ZNF280B: variants seen among roughly 807,000 people sequenced by gnomAD.
The protein encoded by ZNF280B is suppressor of hairy wing homolog 2.
ZNF280B carries 16 observed loss-of-function variants against 38.0 expected under a neutral mutation model. That is an observed-to-expected ratio of 0.42 (90% CI 0.28 to 0.64). ZNF280B has a LOEUF of 0.64. ZNF280B is among the 30% of genes least tolerant of loss of function. The probability of loss-of-function intolerance (pLI) is 0.21; values close to 1 mark genes in which losing one functional copy is unlikely to be tolerated. For missense variants in ZNF280B, 581 were observed against 639.6 expected, an observed-to-expected ratio of 0.91 and a Z score of 0.99; for synonymous variants, 253 against 230.6, an observed-to-expected ratio of 1.10 and a Z score of -0.88.
At chr22:22,506,619 T>G (rs971801328) in intron 2 of ZNF280B, among the ~76,000 whole-genome samples, 3 of 151,742 alleles carry the variant, frequency 2.0e-5, no homozygotes, top group Non-Finnish European at 2.9e-5. Context: ...AGATGTGGCA[T>G]CAAAAACGAG....
chr22:22,505,152 C>A (rs1401258994), intron 2 of ZNF280B, among the ~76,000 whole-genome samples: 1 of 151,852 alleles, frequency 6.6e-6, no homozygotes, highest in Non-Finnish European at 1.5e-5. Context: ...TTAACACATG[C>A]AAGGACTGAT....
At chr22:22,495,970 G>A (rs1016604818) in intron 2 of ZNF280B, among the ~76,000 whole-genome samples, 3 of 149,338 alleles carry the variant, frequency 2.0e-5, no homozygotes, top group Non-Finnish European at 4.5e-5. Context: ...CATGCCTGGC[G>A]AATTTTTGTA....
intron 3 of ZNF280B, among the ~76,000 whole-genome samples, chr22:22,489,875 T>C (rs1389824196): frequency 6.6e-6 from 1 of 151,980 alleles, no homozygotes; most frequent in Non-Finnish European, 1.5e-5. Flanking sequence ...TTTTGCTATC[T>C]TAAAGGCAAA....
At chr22:22,497,529 A>C (rs1306082840) in intron 2 of ZNF280B, among the ~76,000 whole-genome samples, 1 of 151,866 alleles carries the variant, frequency 6.6e-6, no homozygotes, top group East Asian at 2.0e-4. Context: ...GTTCAGAGTC[A>C]AGTTTCTTCA....
intron 2 of ZNF280B, among the ~76,000 whole-genome samples, chr22:22,501,562 T>TA (rs1430355385): frequency 1.3e-5 from 2 of 151,118 alleles, no homozygotes; most frequent in African/African-American, 4.9e-5. Flanking sequence ...GAGACTCTGT[T>TA]AAAAAAATAA....
intron 2 of ZNF280B, among the ~76,000 whole-genome samples, chr22:22,495,214 G>A (rs955492198): frequency 6.6e-6 from 1 of 151,884 alleles, no homozygotes; most frequent in African/African-American, 2.4e-5. Flanking sequence ...CAGACTTGAA[G>A]AAAATTGGCT....
intron 3 of ZNF280B, 28 bp from the exon 4 acceptor site, chr22:22,489,494 C>G: frequency 9.6e-7 from 1 of 1,039,340 alleles, no homozygotes; most frequent in Non-Finnish European, 1.4e-6. Context: ...TCAGTAAGTA[C>G]AGGAAAATGC....
At chr22:22,497,628 CAA>C (rs1483362078) in intron 2 of ZNF280B, among the ~76,000 whole-genome samples, 1 of 151,824 alleles carries the variant, frequency 6.6e-6, no homozygotes, top group African/African-American at 2.4e-5. Flanking sequence ...AAAGGCATAA[CAA>C]AGTCAACTTA....
At chr22:22,498,298 T>C (rs909787908) in intron 2 of ZNF280B, among the ~76,000 whole-genome samples, 14 of 151,940 alleles carry the variant, frequency 9.2e-5, no homozygotes, top group African/African-American at 3.1e-4. Flanking sequence ...ACGTACAATA[T>C]TACAAATGCA....
chr22:22,503,265 T>C (rs2061861921), intron 2 of ZNF280B, among the ~76,000 whole-genome samples: 1 of 151,966 alleles, frequency 6.6e-6, no homozygotes, highest in East Asian at 1.9e-4. Context: ...GATACAAGGT[T>C]TCTTTAGAGT....
In ZNF280B at chr22:22,487,882, G is replaced by A. The variant is rs1381036006; in HGVS notation, c.1517C>T (p.Ser506Leu). 1.1e-5 allele frequency: 18 copies of A among 1,613,690 alleles called. No individual in the cohort carries two copies. Among genetic ancestry groups the A allele is most frequent in the Non-Finnish European group, 1.4e-5 (16 of 1,179,948 alleles). The change falls in exon 4 of 4, where the codon TCG (serine) becomes TTG (leucine). Residue 506 changes from serine to leucine, a missense_variant. Transcript: ENST00000626650. The part of the protein sequence containing the change: ...PPETKVTIQV[S>L]LEPLQPGSVD... ...TGATCCTGGCTGAAGAGGTTCCAGC[G>A]ACACTTGAATAGTAACTTTTGTTTC...
Position 22,487,473 on chromosome 22 carries a change from A to T in ZNF280B, c.*294T>A, listed in dbSNP as rs2061516715. The T allele has an allele frequency of 6.0e-6, 1 of 166,734 alleles. No individual in the cohort carries two copies. Among genetic ancestry groups the T allele is most frequent in the South Asian group, 2.1e-4 (1 of 4,848 alleles). 10.3% of individuals were successfully genotyped at this position (166,734 alleles called of 1,614,324 possible). A position where few individuals can be genotyped will look rare whatever the true frequency, so the allele number is the denominator to read the frequency against. On this transcript the variant is annotated 3_prime_UTR_variant, in exon 4 of 4. Transcript: ENST00000626650. The stretch of plus-strand genomic sequence containing the variant: ...AAAAAAAAAAAAAAAAAAAAAAAAA[A>T]AAATTAAAATTAAAAAAATAAATTA...
intron 2 of ZNF280B, among the ~76,000 whole-genome samples, chr22:22,503,566 T>C (rs1361055995): frequency 1.3e-5 from 2 of 151,934 alleles, no homozygotes; most frequent in African/African-American, 4.8e-5. Flanking sequence ...AGGTGGTCAA[T>C]TTACAAACTG....
Position 22,487,895 on chromosome 22 carries a change from T to G in ZNF280B, c.1504A>C (p.Thr502Pro). The G allele has an allele frequency of 6.2e-7, 1 of 1,613,900 alleles. No individual in the cohort carries two copies. Among genetic ancestry groups the G allele is most frequent in the Non-Finnish European group, 8.5e-7 (1 of 1,179,938 alleles). Residue 502 changes from threonine (T) to proline (P), a missense_variant, in exon 4 of 4, where the codon ACT (threonine) becomes CCT (proline). By Grantham distance (38) the Thr-to-Pro change is conservative. Transcript: ENST00000626650. ...AGAGGTTCCAGCGACACTTGAATAG[T>G]AACTTTTGTTTCAGGAGGTAATCCT... Reference protein sequence around the residue: ...LEGLPPETKVTIQVSLEPLQP... With the variant: ...LEGLPPETKVPIQVSLEPLQP...
rs71199481 is a variant in ZNF280B at position 22,487,447 on chromosome 22, T to TAA, written c.*318_*319dup. On this transcript the variant is annotated 3_prime_UTR_variant, in exon 4 of 4. Transcript: ENST00000626650. ...TAACAGTGAGACCCTGTCTCTAAAG[T>TAA]AAAAAAAAAAAAAAAAAAAAAAAAA... is the stretch of plus-strand genomic sequence containing the variant. 1.7e-3 allele frequency: 111 copies of TAA among 66,794 alleles called. 1 individual carries two copies. The highest frequency in any genetic ancestry group is 2.6e-3 in the Admixed American group (14 of 5,298). 4.1% of individuals were successfully genotyped at this position (66,794 alleles called of 1,614,324 possible). A position where few individuals can be genotyped will look rare whatever the true frequency, so the allele number is the denominator to read the frequency against.
At chr22:22,490,337 G>C (rs1409137931) in intron 3 of ZNF280B, among the ~76,000 whole-genome samples, 1 of 151,866 alleles carries the variant, frequency 6.6e-6, no homozygotes, top group South Asian at 2.1e-4. Context: ...GATTAACTGA[G>C]AGTAAAAGAC....
At chr22:22,496,356 CA>C (rs2061694715) in intron 2 of ZNF280B, among the ~76,000 whole-genome samples, 1 of 151,768 alleles carries the variant, frequency 6.6e-6, no homozygotes. Context: ...CCTTGGCCTC[CA>C]AAAGTGCTGG....
Position 22,489,154 on chromosome 22 carries a change from G to T in ZNF280B, c.245C>A (p.Thr82Asn), listed in dbSNP as rs1249532563. 1 of 1,613,708 alleles carries T rather than the reference G, an allele frequency of 6.2e-7. No homozygotes were observed. Among genetic ancestry groups the T allele is most frequent in the Non-Finnish European group, 8.5e-7 (1 of 1,179,956 alleles). ...ACTTTTAGGCTGCAATTTGCGAGCA[G>T]TATCTTTTCTAAGGTGATCATACTT... ...RKKYDHLRKD[T>N]ARKLQPKSHE... is the part of the protein sequence containing the mutation. Residue 82 changes from threonine to asparagine, a missense_variant, in exon 4 of 4, where the codon ACT (threonine) becomes AAT (asparagine). Physicochemically the swap from Thr to Asn is moderately conservative, Grantham distance 65. Transcript: ENST00000626650.
rs1234166588 is a variant in ZNF280B at position 22,489,094 on chromosome 22, A to G, written c.305T>C (p.Leu102Pro). 9.3e-6 allele frequency: 15 copies of G among 1,613,932 alleles called. No homozygotes were observed. Among genetic ancestry groups the G allele is most frequent in the Non-Finnish European group, 1.3e-5 (15 of 1,179,970 alleles). The change falls in exon 4 of 4, where the codon CTG (leucine) becomes CCG (proline). Residue 102 changes from leucine to proline, a missense_variant. Leu to Pro is a moderately conservative substitution (Grantham distance 98). Coordinates refer to ENST00000626650, the MANE Select transcript of ZNF280B (RefSeq NM_080764.4). ...ETVTSEAVTV[L>P]PASQLESRST... The stretch of plus-strand genomic sequence containing the variant: ...TCTCGATTCAAGTTGGGAAGCTGGC[A>G]GGACGGTCACTGCTTCTGATGTAAC...
Sources: allele counts gnomAD v4.1 joint callset (sites outside exome capture counted in the v4.1 genomes callset), GRCh38; gene constraint gnomAD v4.1.1; transcripts MANE v1.5; gene names NCBI Gene and HGNC (gene_info 2026-07-23, HGNC 2026-07-21).